Variants in AGBL1 observed in about 807,000 individuals in gnomAD.
AGBL1 encodes cytosolic carboxypeptidase 4.
In AGBL1, 130 loss-of-function variants were observed where a neutral mutation model predicts 118.9. That is an observed-to-expected ratio of 1.09 (90% CI 0.95 to 1.26). The LOEUF (loss-of-function observed/expected upper bound fraction) is 1.26, where lower values mean the gene tolerates loss of function less well. Ranked by LOEUF, AGBL1 falls within the 50% of genes most tolerant of loss-of-function variation. The probability of loss-of-function intolerance (pLI) is 0.00; values close to 1 mark genes in which losing one functional copy is unlikely to be tolerated. For synonymous variants in AGBL1, 555 were observed against 478.9 expected (o/e 1.16, Z -2.08); for missense variants, 1,584 against 1,298.1 (o/e 1.22, Z -3.38).
intron 24 of AGBL1, among the ~76,000 whole-genome samples, chr15:87,009,745 A>G (rs1403422096): frequency 6.6e-6 from 1 of 152,192 alleles, no homozygotes; most frequent in Non-Finnish European, 1.5e-5. Flanking sequence ...AGAGTGACCT[A>G]GATATAAGAC....
intron 18 of AGBL1, among the ~76,000 whole-genome samples, chr15:86,460,652 A>G (rs2082323856): frequency 6.6e-6 from 1 of 152,226 alleles, no homozygotes; most frequent in Admixed American, 6.5e-5. Flanking sequence ...AACATACACC[A>G]CGGGAAATCC....
At chr15:86,153,387 C>T (rs938548555) in intron 3 of AGBL1, among the ~76,000 whole-genome samples, 10 of 152,100 alleles carry the variant, frequency 6.6e-5, no homozygotes, top group Non-Finnish European at 1.2e-4. Context: ...TGGAAACCAT[C>T]ATTCTCAGCA....
intron 18 of AGBL1, among the ~76,000 whole-genome samples, chr15:86,499,238 A>G (rs918786596): frequency 6.6e-6 from 1 of 151,958 alleles, no homozygotes; most frequent in African/African-American, 2.4e-5. Flanking sequence ...TTATCAGCAA[A>G]GGGAATAATG....
intron 22 of AGBL1, among the ~76,000 whole-genome samples, chr15:86,859,395 T>C (rs1318857065): frequency 6.6e-6 from 1 of 152,198 alleles, no homozygotes; most frequent in Non-Finnish European, 1.5e-5. Context: ...GCCACTGAGC[T>C]AAGGTGAAAA....
At chr15:86,479,138 A>G (rs1344664483) in intron 18 of AGBL1, among the ~76,000 whole-genome samples, 1 of 152,182 alleles carries the variant, frequency 6.6e-6, no homozygotes, top group African/African-American at 2.4e-5. Context: ...CCTAGAAGAA[A>G]ACCTAGGCAA....
At chr15:86,122,379 C>T (rs1898142040) in intron 1 of AGBL1, among the ~76,000 whole-genome samples, 1 of 152,176 alleles carries the variant, frequency 6.6e-6, no homozygotes, top group Non-Finnish European at 1.5e-5. Context: ...ACTGCCCCTC[C>T]AAGAGATAGT....
Position 86,264,644 on chromosome 15 carries a change from T to C in AGBL1, c.1473T>C (p.Val491=), listed in dbSNP as rs372839440. The C allele has an allele frequency of 1.3e-5, 21 of 1,613,812 alleles. No individual in the cohort carries two copies. The highest frequency in any genetic ancestry group is 1.7e-5 in the Non-Finnish European group (20 of 1,179,868). Residue 491 remains valine, a synonymous_variant, in exon 11 of 23, where the codon GTT becomes GTC. Transcript: ENST00000614907. ...SFSNSTRTRE[V]VKVIDKLLQT... ...CTAATTCCACTAGGACTAGAGAAGT[T>C]GTCAAAGTAATAGATAAGCTTCTGC...
intron 18 of AGBL1, among the ~76,000 whole-genome samples, chr15:86,509,396 G>A (rs150961817): frequency 1.4e-3 from 207 of 152,236 alleles, no homozygotes; most frequent in African/African-American, 4.6e-3. Context: ...TGGTTTGCTT[G>A]GACCACTGGG....
At chr15:86,435,814 G>A (rs78445460) in intron 18 of AGBL1, among the ~76,000 whole-genome samples, 4,650 of 152,088 alleles carry the variant, frequency 0.031, 88 homozygotes, top group Non-Finnish European at 0.047. Flanking sequence ...GAGATAATAA[G>A]GTACAGTGCC....
At chr15:86,621,327 T>C (rs1236006435) in intron 21 of AGBL1, among the ~76,000 whole-genome samples, 2 of 152,224 alleles carry the variant, frequency 1.3e-5, no homozygotes, top group African/African-American at 4.8e-5. Context: ...CAGCCCAAGA[T>C]TTTGTGTTAG....
At chr15:86,373,601 A>G (rs1391482792) in intron 17 of AGBL1, among the ~76,000 whole-genome samples, 3 of 152,222 alleles carry the variant, frequency 2.0e-5, no homozygotes, top group African/African-American at 7.2e-5. Context: ...GTGAGAATCC[A>G]GATCAGAGAA....
In AGBL1 at chr15:86,910,662, G is replaced by C. The variant is rs1394217999; in HGVS notation, c.*3368G>C. ...GCAGTTTGGGGACATGTTAAATGTTGGTGGCCTACATGATAGCCCGTTCGA... is the reference window on the plus strand; with the variant it reads ...GCAGTTTGGGGACATGTTAAATGTTCGTGGCCTACATGATAGCCCGTTCGA... On this transcript the variant is annotated 3_prime_UTR_variant, in exon 23 of 23. Coordinates refer to ENST00000614907, the MANE Select transcript of AGBL1 (RefSeq NM_001386094.1). The C allele has an allele frequency of 6.6e-6, 1 of 152,202 alleles. No individual in the cohort carries two copies. The highest frequency in any genetic ancestry group is 1.5e-5 in the Non-Finnish European group (1 of 68,074). The allele number at this position is 152,202 out of a possible 1,614,324, so 9.4% of individuals were successfully genotyped here.
At chr15:86,635,415 A>C (rs1390236266) in intron 21 of AGBL1, among the ~76,000 whole-genome samples, 2 of 150,324 alleles carry the variant, frequency 1.3e-5, no homozygotes, top group East Asian at 4.0e-4. Context: ...TGTAATTATC[A>C]AGGGCAAAGT....
intron 3 of AGBL1, 92 bp downstream of exon 3, chr15:86,143,937 C>G (rs1159760027): frequency 4.7e-5 from 69 of 1,459,824 alleles, no homozygotes; most frequent in Non-Finnish European, 6.2e-5. Flanking sequence ...TGGAGTAGCA[C>G]AGGGAGAAAG....
intron 17 of AGBL1, among the ~76,000 whole-genome samples, chr15:86,318,336 C>G (rs1053986396): frequency 1.3e-5 from 2 of 152,148 alleles, no homozygotes; most frequent in South Asian, 4.1e-4. Context: ...TTATCCTTCT[C>G]TTCTCTTCAG....
In AGBL1 at chr15:86,912,741, G is replaced by A. The variant is rs1447180576; in HGVS notation, c.*5447G>A. On this transcript the variant is annotated 3_prime_UTR_variant, in exon 23 of 23. Coordinates refer to ENST00000614907, the MANE Select transcript of AGBL1 (RefSeq NM_001386094.1). ...TGCCTGACATAAGTCATCCTTGTTA[G>A]GGCCACAGAAGAATGACTCGCATGG... The A allele has an allele frequency of 3.3e-5, 5 of 152,090 alleles. No individual in the cohort carries two copies. The highest frequency in any genetic ancestry group is 1.2e-4 in the African/African-American group (5 of 41,434). The allele number at this position is 152,090 out of a possible 1,614,324, so 9.4% of individuals were successfully genotyped here. A position where few individuals can be genotyped will look rare whatever the true frequency, so the allele number is the denominator to read the frequency against.
chr15:86,349,092 A>G (rs1409544242), intron 17 of AGBL1, among the ~76,000 whole-genome samples: 1 of 152,228 alleles, frequency 6.6e-6, no homozygotes, highest in Non-Finnish European at 1.5e-5. Flanking sequence ...TACAAGCCAA[A>G]GCATGCCAAA....
At chr15:86,917,677 G>T (rs1002667656), downstream of AGBL1, among the ~76,000 whole-genome samples, 2 of 152,094 alleles carry the variant, frequency 1.3e-5, no homozygotes, top group African/African-American at 2.4e-5. The surrounding 1 kb of genome is among the most constrained non-coding windows in gnomAD (Gnocchi z 4.8). Context: ...TGAATTTGGG[G>T]ATATGCAAAT....
chr15:86,574,940 C>T lies in AGBL1; in HGVS notation c.2994+20403C>T, dbSNP rs145410916. Among the ~76,000 whole-genome samples, 188 of 152,042 alleles carry T rather than the reference C, an allele frequency of 1.2e-3. 2 individuals are homozygous for T. In the East Asian group the frequency reaches 0.032, roughly 26 times the overall value. Reference sequence around the variant, plus strand: ...GCGTGGTGACTCACACCTGTAATCCCAGCACTTTGGGAGGCTGAGGCAGGT... The same window carrying T: ...GCGTGGTGACTCACACCTGTAATCCTAGCACTTTGGGAGGCTGAGGCAGGT... On this transcript the variant is annotated intron_variant, in intron 21 of 22. Coordinates refer to ENST00000614907, the MANE Select transcript of AGBL1 (RefSeq NM_001386094.1).
Sources: gnomAD v4.1 joint callset for allele counts (sites outside exome capture counted in the v4.1 genomes callset) on GRCh38, gnomAD v4.1.1 for gene constraint, Gnocchi (gnomAD v3.1) non-coding constraint, MANE v1.5 for transcripts, NCBI Gene and HGNC (gene_info 2026-07-23, HGNC 2026-07-21) for gene names.